TUSC3: variants seen among roughly 807,000 people sequenced by gnomAD.
The protein encoded by TUSC3 is dolichyl-diphosphooligosaccharide--protein glycosyltransferase subunit TUSC3.
TUSC3 carries 45 observed loss-of-function variants against 44.8 expected under a neutral mutation model. The ratio of observed to expected loss-of-function variants is 1.00; its 90% CI spans 0.79 to 1.29. The LOEUF (loss-of-function observed/expected upper bound fraction) is 1.29, where lower values mean the gene tolerates loss of function less well. TUSC3 is among the 50% of genes most tolerant of loss of function. TUSC3 has a pLI of 0.00. For synonymous variants in TUSC3, 212 were observed against 152.9 expected (o/e 1.39, Z -2.85); for missense variants, 519 against 437.9 (o/e 1.19, Z -1.65).
At chr8:15,582,577 G>A (rs538064801) in intron 1 of TUSC3, among the ~76,000 whole-genome samples, 2 of 152,294 alleles carry the variant, frequency 1.3e-5, no homozygotes, top group East Asian at 3.9e-4. Flanking sequence ...AAATAACATT[G>A]TGAAAGTTGA....
At chr8:15,784,692 A>G in the TUSC3 span, among the ~76,000 whole-genome samples, 4 of 152,246 alleles carry the variant, frequency 2.6e-5, no homozygotes, top group East Asian at 7.7e-4. Context: ...GATTTCACTT[A>G]CATGTGAAAT....
chr8:15,650,976 A>T, intron 3 of TUSC3, 162 bp downstream of exon 3: 1 of 608,712 alleles, frequency 1.6e-6, no homozygotes. Flanking sequence ...AGGACAGAGC[A>T]AGACTTTTAC....
chr8:15,545,060 C>T (rs1801817425), intron 1 of TUSC3, among the ~76,000 whole-genome samples: 1 of 151,434 alleles, frequency 6.6e-6, no homozygotes, highest in Non-Finnish European at 1.5e-5. Context: ...ATACATAATA[C>T]CTAAGATGTA....
At chr8:15,663,603 A>G (rs1415383222) in intron 5 of TUSC3, among the ~76,000 whole-genome samples, 1 of 151,908 alleles carries the variant, frequency 6.6e-6, no homozygotes, top group Non-Finnish European at 1.5e-5. Flanking sequence ...TACATAGTCA[A>G]AATACAAATT....
intron 2 of TUSC3, among the ~76,000 whole-genome samples, chr8:15,492,503 T>C (rs1477740562): frequency 6.6e-6 from 1 of 152,206 alleles, no homozygotes; most frequent in Non-Finnish European, 1.5e-5. Context: ...ATTCTGACTT[T>C]AAGACTGCCC....
At chr8:15,809,138 T>C in the TUSC3 span, among the ~76,000 whole-genome samples, 8 of 152,106 alleles carry the variant, frequency 5.3e-5, no homozygotes, top group Non-Finnish European at 1.0e-4. Context: ...AATTTTTGGC[T>C]CTTTTTATGT....
intron 4 of TUSC3, 44 bp downstream of exon 4, chr8:15,659,691 T>G (rs756910102): frequency 1.9e-6 from 3 of 1,606,632 alleles, no homozygotes; most frequent in Non-Finnish European, 2.5e-6. Flanking sequence ...GCTGGTTAGT[T>G]TGTTTTTATG....
chr8:15,730,264 T>A (rs1009750442), intron 6 of TUSC3, among the ~76,000 whole-genome samples: 1 of 152,170 alleles, frequency 6.6e-6, no homozygotes, highest in East Asian at 1.9e-4. Context: ...TTAAAAACTT[T>A]GATAATGTGG....
At chr8:15,810,932 C>T in the TUSC3 span, among the ~76,000 whole-genome samples, 1 of 152,128 alleles carries the variant, frequency 6.6e-6, no homozygotes, top group African/African-American at 2.4e-5. Flanking sequence ...AGGGCCCATC[C>T]AGGCAGATGC....
chr8:15,733,351 GTTT>G, intron 7 of TUSC3: 5 of 353,180 alleles, frequency 1.4e-5, no homozygotes, highest in South Asian at 2.2e-5. Flanking sequence ...GCTTCTTTTT[GTTT>G]TTTTTTTTTT....
At chr8:15,823,850 A>T in the TUSC3 span, among the ~76,000 whole-genome samples, 1 of 152,148 alleles carries the variant, frequency 6.6e-6, no homozygotes, top group Admixed American at 6.5e-5. Context: ...AATAACAAGA[A>T]TTTTTCTGCT....
At chr8:15,440,442 A>G (rs1800006422) in intron 1 of TUSC3, among the ~76,000 whole-genome samples, 2 of 152,186 alleles carry the variant, frequency 1.3e-5, no homozygotes, top group Admixed American at 6.5e-5. Context: ...ATGGGAAACG[A>G]TTGAAGGATT....
chr8:15,643,205 C>T (rs991236291), intron 2 of TUSC3, among the ~76,000 whole-genome samples: 4 of 152,128 alleles, frequency 2.6e-5, no homozygotes, highest in African/African-American at 9.7e-5. Flanking sequence ...TGAGGCCTCC[C>T]CAGCTGTGCT....
chr8:15,775,645 T>TATATATATATAC, the TUSC3 span, among the ~76,000 whole-genome samples: 13 of 134,502 alleles, frequency 9.7e-5, no homozygotes, highest in Admixed American at 1.8e-4. Flanking sequence ...TATATATATA[T>TATATATATATAC]ATATACACAC....
At chr8:15,713,605 A>C (rs919838426) in intron 6 of TUSC3, among the ~76,000 whole-genome samples, 2 of 152,096 alleles carry the variant, frequency 1.3e-5, no homozygotes, top group Non-Finnish European at 1.5e-5. Context: ...AGGAGTCAGC[A>C]GGGCGAGTTT....
rs188346423 is a variant in TUSC3, at chr8:15,582,743, A to G, written c.139-40337A>G. Among the ~76,000 whole-genome samples, 10 of 152,342 alleles carry G rather than the reference A, an allele frequency of 6.6e-5. No individual in the cohort carries two copies. In the East Asian group the frequency reaches 1.7e-3, roughly 26 times the overall value. The stretch of plus-strand genomic sequence containing the variant: ...GTGTAACCTGAAACCAGTTTTATCT[A>G]ATAGCTGCTGGAACAACCTGCCTCA... On this transcript the variant is annotated intron_variant, in intron 1 of 10. Coordinates refer to ENST00000503731, the MANE Select transcript of TUSC3 (RefSeq NM_006765.4).
intron 1 of TUSC3, among the ~76,000 whole-genome samples, chr8:15,444,718 C>G (rs1800068562): frequency 6.6e-6 from 1 of 152,140 alleles, no homozygotes; most frequent in South Asian, 2.1e-4. Context: ...CAGTATCTCC[C>G]AAGTATCGGT....
chr8:15,452,731 T>A (rs1800210091), intron 1 of TUSC3, among the ~76,000 whole-genome samples: 2 of 152,174 alleles, frequency 1.3e-5, no homozygotes, highest in Admixed American at 1.3e-4. Flanking sequence ...GGCTGATAAA[T>A]TCAAGTTGGC....
At chr8:15,620,200 C>T (rs1169919544) in intron 1 of TUSC3, among the ~76,000 whole-genome samples, 1 of 152,164 alleles carries the variant, frequency 6.6e-6, no homozygotes, top group African/African-American at 2.4e-5. Flanking sequence ...TATAGTGAAT[C>T]TCACACTCTA....
Sources: allele counts gnomAD v4.1 joint callset (sites outside exome capture counted in the v4.1 genomes callset), GRCh38; gene constraint gnomAD v4.1.1; transcripts MANE v1.5; gene names NCBI Gene and HGNC (gene_info 2026-07-23, HGNC 2026-07-21).